Variants in ERG observed in about 807,000 individuals in gnomAD.
ERG encodes the protein transcriptional regulator ERG.
A neutral mutation model predicts 55.3 loss-of-function variants in ERG; 9 were observed. The ratio of observed to expected loss-of-function variants is 0.16; its 90% CI spans 0.10 to 0.28. ERG has a LOEUF of 0.28. Among genes scored for constraint, ERG ranks in the 10% least tolerant of loss-of-function variants. The pLI, the probability that ERG is intolerant of heterozygous loss-of-function variation, is 1.00. For synonymous variants in ERG, 223 were observed against 237.3 expected (o/e 0.94, Z 0.55); for missense variants, 434 against 631.6 (o/e 0.69, Z 3.35).
chr21:38,392,615 T>C (rs1461798674), intron 6 of ERG, among the ~76,000 whole-genome samples, 171 bp from the exon 7 acceptor site: 1 of 152,244 alleles, frequency 6.6e-6, no homozygotes, highest in Non-Finnish European at 1.5e-5. Context: ...TAAAATTTCA[T>C]ATATTATAGT....
At chr21:38,588,657 T>G (rs2146889861), upstream of ERG, among the ~76,000 whole-genome samples, 1 of 152,260 alleles carries the variant, frequency 6.6e-6, no homozygotes, top group South Asian at 2.1e-4. Flanking sequence ...AGAGAGGTGG[T>G]GCAAGTTCAA....
At chr21:38,565,758 G>A (rs912033788) in intron 2 of ERG, among the ~76,000 whole-genome samples, 24 of 152,110 alleles carry the variant, frequency 1.6e-4, no homozygotes, top group African/African-American at 5.3e-4. Context: ...GCTTTGTTCT[G>A]GAGAATACCA....
chr21:38,507,534 G>A (rs202022127), intron 2 of ERG, among the ~76,000 whole-genome samples: 1 of 150,164 alleles, frequency 6.7e-6, no homozygotes, highest in African/African-American at 2.5e-5. Flanking sequence ...TACTGAATGA[G>A]TGAATGAATG....
chr21:38,520,649 C>T (rs983017986), intron 2 of ERG, among the ~76,000 whole-genome samples: 1 of 152,150 alleles, frequency 6.6e-6, no homozygotes, highest in African/African-American at 2.4e-5. Context: ...AGCTAAGACG[C>T]TACCGCATCA....
intron 1 of ERG, among the ~76,000 whole-genome samples, chr21:38,475,224 G>C (rs907063022): frequency 6.6e-6 from 1 of 152,162 alleles, no homozygotes; most frequent in Non-Finnish European, 1.5e-5. Context: ...CATAATCAGT[G>C]GCAAGGGATG....
At chr21:38,583,306 G>A (rs1901734426) in intron 1 of ERG, among the ~76,000 whole-genome samples, 1 of 152,200 alleles carries the variant, frequency 6.6e-6, no homozygotes. Context: ...TAGGGCCCAT[G>A]ATTTAAGGAG....
chr21:38,436,880 CTT>C (rs11324358), intron 2 of ERG, among the ~76,000 whole-genome samples: 145 of 147,364 alleles, frequency 9.8e-4, no homozygotes, highest in African/African-American at 3.4e-3. Context: ...CTCTTAGTTC[CTT>C]TTTTTTTTCT....
rs570060947 is a variant in ERG, at chr21:38,382,467, C to G, written c.*936G>C. The stretch of plus-strand genomic sequence containing the variant: ...CCAGTTAAAATTTTCATTTGACAAA[C>G]AAAGAAAGAGATGCGCATTTTTGTT... On this transcript the variant is annotated 3_prime_UTR_variant, in exon 10 of 10. Transcript: ENST00000288319. 3.2e-4 allele frequency: 343 copies of G among 1,063,536 alleles called. 2 individuals carry two copies. In the South Asian group the frequency reaches 0.012, roughly 37 times the overall value. 65.9% of individuals were successfully genotyped at this position (1,063,536 alleles called of 1,614,324 possible).
intron 2 of ERG, among the ~76,000 whole-genome samples, chr21:38,563,376 G>A (rs2212604): frequency 0.61 from 93,269 of 152,134 alleles, 30,294 homozygotes; most frequent in Non-Finnish European, 0.73. Flanking sequence ...TGATAGTGGT[G>A]GAAGCTATGT....
At chr21:38,579,574 G>A (rs2060015445) in intron 1 of ERG, among the ~76,000 whole-genome samples, 1 of 152,300 alleles carries the variant, frequency 6.6e-6, no homozygotes, top group Non-Finnish European at 1.5e-5. Context: ...CTGGAGGAAA[G>A]AGGGTGAAAG....
intron 1 of ERG, among the ~76,000 whole-genome samples, chr21:38,448,521 A>G (rs893819367): frequency 6.6e-6 from 1 of 152,252 alleles, no homozygotes; most frequent in Non-Finnish European, 1.5e-5. Context: ...CACTCAACAA[A>G]GGCTGCTGAA....
intron 1 of ERG, among the ~76,000 whole-genome samples, chr21:38,618,479 A>G (rs2060271728): frequency 1.3e-5 from 2 of 152,234 alleles, no homozygotes; most frequent in African/African-American, 4.8e-5. Flanking sequence ...TTGGTTGGTG[A>G]CATCTTAAGA....
rs2836358 is a variant in ERG, at chr21:38,392,094, A to T, written c.814+282T>A. 0.42 allele frequency among the ~76,000 whole-genome samples: 63,603 copies of T among 152,030 alleles called. 13,385 individuals are homozygous for T. Among genetic ancestry groups the T allele is most frequent in the Admixed American group, 0.48 (7,339 of 15,284 alleles). Reference sequence around the variant, plus strand: ...TTAAGCATGGCCAAGATTCAGGAAAACACCGATTATTTAATGTGTACTCAA... The same window carrying T: ...TTAAGCATGGCCAAGATTCAGGAAATCACCGATTATTTAATGTGTACTCAA... On this transcript the variant is annotated intron_variant, in intron 7 of 9. Coordinates refer to ENST00000288319, the MANE Select transcript of ERG (RefSeq NM_182918.4).
chr21:38,371,227 T>G, the ERG span, among the ~76,000 whole-genome samples: 1 of 152,076 alleles, frequency 6.6e-6, no homozygotes, highest in African/African-American at 2.4e-5. Context: ...TATGTAAAAA[T>G]GCAATTGAAT....
At chr21:38,567,360 T>C (rs2059929563) in intron 2 of ERG, among the ~76,000 whole-genome samples, 1 of 152,234 alleles carries the variant, frequency 6.6e-6, no homozygotes, top group African/African-American at 2.4e-5. Context: ...AATATTATTT[T>C]TCTGATTATA....
chr21:38,375,052 C>T (rs74777395), downstream of ERG, among the ~76,000 whole-genome samples: 279 of 152,278 alleles, frequency 1.8e-3, 1 homozygote, highest in African/African-American at 6.5e-3. Context: ...TATCCTCATA[C>T]TCAGAAGCAG....
intron 1 of ERG, among the ~76,000 whole-genome samples, chr21:38,582,957 A>T (rs1248838639): frequency 1.3e-5 from 2 of 152,242 alleles, no homozygotes; most frequent in Non-Finnish European, 2.9e-5. Context: ...CTCAATAAAT[A>T]AATTGCTAAT....
the ERG span, among the ~76,000 whole-genome samples, chr21:38,374,171 A>G: frequency 1.3e-5 from 2 of 152,180 alleles, no homozygotes; most frequent in Admixed American, 6.5e-5. Flanking sequence ...TTGTGCTCCA[A>G]CCCTTCTTCA....
chr21:38,384,066 A>T, intron 9 of ERG, 143 bp from the exon 10 acceptor site: 1 of 1,171,552 alleles, frequency 8.5e-7, no homozygotes, highest in Non-Finnish European at 1.2e-6. Context: ...CCTCAGCTGC[A>T]GGGGTGCGGA....
Sources: gnomAD v4.1 joint callset for allele counts (sites outside exome capture counted in the v4.1 genomes callset) on GRCh38, gnomAD v4.1.1 for gene constraint, MANE v1.5 for transcripts, NCBI Gene and HGNC (gene_info 2026-07-23, HGNC 2026-07-21) for gene names.